Variants in FRMPD4 observed in about 807,000 individuals in gnomAD.
FRMPD4 encodes the protein FERM and PDZ domain containing 4.
FRMPD4 carries 22 observed loss-of-function variants against 94.1 expected under a neutral mutation model. That is an observed-to-expected ratio of 0.23 (90% CI 0.17 to 0.33). The LOEUF is 0.33. Ranked by LOEUF, FRMPD4 falls within the 10% of genes least tolerant of loss-of-function variation. The pLI, the probability that FRMPD4 is intolerant of heterozygous loss-of-function variation, is 1.00. For synonymous variants in FRMPD4, 631 were observed against 548.6 expected (o/e 1.15, Z -2.10); for missense variants, 1,111 against 1,339.9 (o/e 0.83, Z 2.67).
intron 2 of FRMPD4, among the ~76,000 whole-genome samples, chrX:12,550,976 C>A (rs1194925464): frequency 9.1e-6 from 1 of 109,583 alleles, no homozygotes; most frequent in East Asian, 2.8e-4. Flanking sequence ...AATACATATG[C>A]ATATTTTATT....
intron 2 of FRMPD4, among the ~76,000 whole-genome samples, chrX:12,516,983 G>T (rs1457995535): frequency 1.0e-5 from 1 of 97,829 alleles, no homozygotes; most frequent in Admixed American, 1.2e-4. Flanking sequence ...TCTTTCCTCT[G>T]CTTGGTCTAT....
chrX:12,078,623 T>C (rs149506334), intron 3 of FRMPD4, among the ~76,000 whole-genome samples: 3,770 of 112,272 alleles, frequency 0.034, 83 homozygotes, highest in Non-Finnish European at 0.053. Flanking sequence ...TTGGTTTAAT[T>C]ATCAAGTGTC....
chrX:12,660,833 C>G (rs1310061431), intron 4 of FRMPD4, among the ~76,000 whole-genome samples: 4 of 111,977 alleles, frequency 3.6e-5, no homozygotes, highest in African/African-American at 1.3e-4. Context: ...CTGGAGCCAT[C>G]TGAAGGCTTG....
At chrX:12,340,421 T>A (rs1169751950) in intron 1 of FRMPD4, among the ~76,000 whole-genome samples, 2 of 111,615 alleles carry the variant, frequency 1.8e-5, no homozygotes, top group African/African-American at 6.5e-5. Flanking sequence ...TTGGTTCCTA[T>A]TTTGGGGGAA....
At chrX:12,258,816 G>A (rs893270488) in intron 1 of FRMPD4, among the ~76,000 whole-genome samples, 11 of 111,217 alleles carry the variant, frequency 9.9e-5, no homozygotes, top group Non-Finnish European at 2.1e-4. Flanking sequence ...TTTTTGCAGG[G>A]AACATTCCAA....
At chrX:12,217,542 C>T (rs2056821047) in intron 1 of FRMPD4, among the ~76,000 whole-genome samples, 3 of 111,912 alleles carry the variant, frequency 2.7e-5, no homozygotes, top group South Asian at 3.7e-4. Flanking sequence ...CACATAGGTA[C>T]TTGATAAGCT....
intron 1 of FRMPD4, among the ~76,000 whole-genome samples, chrX:12,220,630 ATGTAGTTTTCCTGTG>A (rs1401960039): frequency 8.9e-6 from 1 of 111,913 alleles, no homozygotes; most frequent in Non-Finnish European, 1.9e-5. Context: ...GTACTGAGAA[ATGTAGTTTTCCTGTG>A]TTCCCAGGAA....
chrX:11,905,363 A>G (rs1186755331), intron 3 of FRMPD4, among the ~76,000 whole-genome samples: 1 of 111,944 alleles, frequency 8.9e-6, no homozygotes, highest in African/African-American at 3.2e-5. Flanking sequence ...GAAAGAAAAA[A>G]ATGAGCCTGG....
At chrX:12,420,871 C>T (rs1282852122) in intron 1 of FRMPD4, among the ~76,000 whole-genome samples, 2 of 112,085 alleles carry the variant, frequency 1.8e-5, no homozygotes, top group Non-Finnish European at 3.8e-5. Flanking sequence ...CATCACTTAA[C>T]CACAATCTCT....
At chrX:12,424,129 G>T (rs1356664072) in intron 1 of FRMPD4, among the ~76,000 whole-genome samples, 1 of 112,096 alleles carries the variant, frequency 8.9e-6, no homozygotes, top group Non-Finnish European at 1.9e-5. Flanking sequence ...AGAAATGATG[G>T]GCAGTATCTA....
intron 3 of FRMPD4, among the ~76,000 whole-genome samples, chrX:11,963,339 A>G (rs2054293404): frequency 8.9e-6 from 1 of 112,193 alleles, no homozygotes; most frequent in South Asian, 3.7e-4. Flanking sequence ...TGTTTTGGAC[A>G]TAAAACATTT....
chrX:12,407,597 G>T (rs1464389706), intron 1 of FRMPD4, among the ~76,000 whole-genome samples: 2 of 112,331 alleles, frequency 1.8e-5, no homozygotes, highest in Non-Finnish European at 3.8e-5. Context: ...AGATACACTA[G>T]CTATTGATGT....
At chrX:11,839,149 T>G (rs776726215) in intron 1 of FRMPD4, among the ~76,000 whole-genome samples, 3 of 111,329 alleles carry the variant, frequency 2.7e-5, no homozygotes, top group Non-Finnish European at 5.7e-5. Context: ...ATATTTAGTT[T>G]GTGTTTAAAT....
chrX:11,977,662 T>G (rs2054374154), intron 3 of FRMPD4, among the ~76,000 whole-genome samples: 1 of 109,939 alleles, frequency 9.1e-6, no homozygotes, highest in African/African-American at 3.3e-5. Context: ...ATCAAATACA[T>G]TTAAGAAATA....
intron 1 of FRMPD4, among the ~76,000 whole-genome samples, chrX:12,222,631 T>G (rs1272683848): frequency 1.8e-5 from 2 of 112,521 alleles, no homozygotes; most frequent in African/African-American, 6.5e-5. Flanking sequence ...AAAGTTCGTA[T>G]GTGCTTGCTT....
intron 4 of FRMPD4, among the ~76,000 whole-genome samples, chrX:12,653,866 C>G (rs983541312): frequency 6.2e-5 from 7 of 112,244 alleles, no homozygotes; most frequent in African/African-American, 2.3e-4. Flanking sequence ...CTCCCGGATT[C>G]AAGCGATTCC....
At chrX:12,423,984 G>T (rs2056917389) in intron 1 of FRMPD4, among the ~76,000 whole-genome samples, 1 of 112,118 alleles carries the variant, frequency 8.9e-6, no homozygotes, top group Admixed American at 9.4e-5. Context: ...AAACAGAAAA[G>T]AACAAGAAGC....
intron 1 of FRMPD4, among the ~76,000 whole-genome samples, chrX:12,421,191 A>G (rs1359267200): frequency 8.9e-6 from 1 of 112,252 alleles, no homozygotes; most frequent in Non-Finnish European, 1.9e-5. Flanking sequence ...TTGACATCTG[A>G]TCAAAAGTTA....
intron 1 of FRMPD4, among the ~76,000 whole-genome samples, chrX:12,434,080 C>T (rs2057038077): frequency 8.9e-6 from 1 of 111,868 alleles, no homozygotes; most frequent in African/African-American, 3.3e-5. Context: ...GGAAAAGTCT[C>T]GAAGCTGATG....
Sources: allele counts gnomAD v4.1 joint callset (sites outside exome capture counted in the v4.1 genomes callset), GRCh38; gene constraint gnomAD v4.1.1; transcripts MANE v1.5; gene names NCBI Gene and HGNC (gene_info 2026-07-23, HGNC 2026-07-21).